The following SLC30A9 variants were observed in gnomAD, a reference collection of about 807,000 sequenced individuals.
The protein encoded by SLC30A9 is solute carrier family 30 member 9.
SLC30A9 carries 58 observed loss-of-function variants against 87.5 expected under a neutral mutation model. The ratio of observed to expected loss-of-function variants is 0.66; its 90% CI spans 0.54 to 0.82. The LOEUF (loss-of-function observed/expected upper bound fraction) is 0.82, where lower values mean the gene tolerates loss of function less well. Among genes scored for constraint, SLC30A9 ranks in the 40% least tolerant of loss-of-function variants. The probability of loss-of-function intolerance (pLI) is 0.00; values close to 1 mark genes in which losing one functional copy is unlikely to be tolerated. For missense variants in SLC30A9, 557 were observed against 679.1 expected, an observed-to-expected ratio of 0.82 and a Z score of 2.00; for synonymous variants, 234 against 233.0, an observed-to-expected ratio of 1.00 and a Z score of -0.04.
chr4:42,045,863 G>A (rs1577705905), intron 8 of SLC30A9, among the ~76,000 whole-genome samples: 1 of 152,182 alleles, frequency 6.6e-6, no homozygotes, highest in Non-Finnish European at 1.5e-5. Flanking sequence ...ATGTCAAAAA[G>A]CTTATCACCA....
intron 15 of SLC30A9, among the ~76,000 whole-genome samples, chr4:42,070,945 G>A (rs1167508584): frequency 6.6e-6 from 1 of 152,060 alleles, no homozygotes; most frequent in Non-Finnish European, 1.5e-5. Flanking sequence ...TAATGAGAAT[G>A]GAAGTTTGCA....
intron 16 of SLC30A9, among the ~76,000 whole-genome samples, chr4:42,076,438 A>G (rs1250006714): frequency 6.6e-6 from 1 of 152,164 alleles, no homozygotes; most frequent in Non-Finnish European, 1.5e-5. Flanking sequence ...TATACTTTTC[A>G]GCATTTTTTA....
chr4:42,049,281 C>A, intron 8 of SLC30A9, 96 bp from the exon 9 acceptor site: 1 of 632,350 alleles, frequency 1.6e-6, no homozygotes, highest in Non-Finnish European at 2.7e-6. Context: ...TTACTTTCAA[C>A]AGAATCTAGT....
rs1474237649 is a variant in SLC30A9, at chr4:42,088,472, A to T, written c.*2346A>T. 6.6e-6 allele frequency: 1 copy of T among 152,258 alleles called. No individual in the cohort carries two copies. Among genetic ancestry groups the T allele is most frequent in the South Asian group, 2.1e-4 (1 of 4,830 alleles). The allele number at this position is 152,258 out of a possible 1,614,324, so 9.4% of individuals were successfully genotyped here. A position where few individuals can be genotyped will look rare whatever the true frequency, so the allele number is the denominator to read the frequency against. The stretch of plus-strand genomic sequence containing the variant: ...AAATACCTGAGACTGAGTAATCAAA[A>T]AAAGAGCTTTAATTGGCTCATGGTT... On this transcript the variant is annotated 3_prime_UTR_variant, in exon 18 of 18. Transcript: ENST00000264451.
chr4:42,071,100 AT>A (rs1307098441), intron 15 of SLC30A9, among the ~76,000 whole-genome samples: 1 of 152,034 alleles, frequency 6.6e-6, no homozygotes, highest in Non-Finnish European at 1.5e-5. Context: ...TATAATTTAT[AT>A]TTACTTTGAA....
At chr4:42,023,461 A>G in intron 6 of SLC30A9, 77 bp downstream of exon 6, 2 of 923,098 alleles carry the variant, frequency 2.2e-6, no homozygotes, top group Admixed American at 1.9e-5. Flanking sequence ...AGAACTCTCT[A>G]GTGCTAGCAT....
chr4:42,018,523 T>C (rs1715812853), intron 3 of SLC30A9: 1 of 806,340 alleles, frequency 1.2e-6, no homozygotes, highest in Non-Finnish European at 1.6e-6. Context: ...TTGGCCGTTA[T>C]TGTCTGACTT....
At chr4:42,037,239 CTTTTTTTTTTTTTTTTTTT>C (rs536795831) in intron 7 of SLC30A9, among the ~76,000 whole-genome samples, 4 of 91,194 alleles carry the variant, frequency 4.4e-5, no homozygotes, top group Non-Finnish European at 8.3e-5. Context: ...TAAATGCCTT[CTTTTTTTTTTTTTTTTTTT>C]TTTTTTTTTT....
intron 8 of SLC30A9, among the ~76,000 whole-genome samples, chr4:42,045,526 T>C (rs28850296): frequency 0.65 from 98,836 of 151,144 alleles, 36,757 homozygotes; most frequent in East Asian, 0.96. Context: ...GAAGTTGAAT[T>C]CCTGAGTAGA....
At chr4:42,022,952 A>T in intron 5 of SLC30A9, 22 bp downstream of exon 5, 1 of 1,398,240 alleles carries the variant, frequency 7.2e-7, no homozygotes, top group Non-Finnish European at 9.8e-7. Context: ...GTTCTTTCAG[A>T]ATAAAAGTGC....
intron 6 of SLC30A9, among the ~76,000 whole-genome samples, chr4:42,024,070 A>G (rs998075573): frequency 1.3e-5 from 2 of 152,206 alleles, no homozygotes; most frequent in Non-Finnish European, 2.9e-5. Context: ...GCCAAATCAT[A>G]TCAATTACTT....
At chr4:42,054,567 T>C (rs1043214992) in intron 9 of SLC30A9, among the ~76,000 whole-genome samples, 3 of 151,220 alleles carry the variant, frequency 2.0e-5, no homozygotes, top group East Asian at 2.0e-4. Context: ...CTCAGCTCAC[T>C]GCAAGCTCCG....
At chr4:42,054,663 T>C (rs1434511325) in intron 9 of SLC30A9, among the ~76,000 whole-genome samples, 2 of 151,876 alleles carry the variant, frequency 1.3e-5, no homozygotes, top group African/African-American at 2.4e-5. Context: ...GCTAATTTTT[T>C]GTATTTTTAG....
intron 8 of SLC30A9, among the ~76,000 whole-genome samples, chr4:42,042,716 C>G (rs551334474): frequency 2.6e-5 from 4 of 152,168 alleles, no homozygotes; most frequent in Admixed American, 2.0e-4. Flanking sequence ...GCACAGCGCT[C>G]GAGGTCTGCT....
Position 42,039,916 on chromosome 4 carries a change from T to C in SLC30A9, c.737+863T>C, listed in dbSNP as rs375304848. ...TATATATATGTAAAATATGTATCAG[T>C]GTGATAGGATATGAAAATATAAAGA... On this transcript the variant is annotated intron_variant, in intron 8 of 17. Transcript: ENST00000264451. Among the ~76,000 whole-genome samples the C allele has an allele frequency of 7.6e-3, 958 of 125,686 alleles. 4 individuals are homozygous for C. Among genetic ancestry groups the C allele is most frequent in the African/African-American group, 0.013 (516 of 38,512 alleles). The allele number at this position is 125,686 out of a possible 152,430, so 82.5% of individuals were successfully genotyped here.
At chr4:42,032,217 C>A (rs1025847020) in intron 6 of SLC30A9, among the ~76,000 whole-genome samples, 3 of 151,906 alleles carry the variant, frequency 2.0e-5, no homozygotes, top group Admixed American at 6.6e-5. Context: ...GTTACCCCCC[C>A]ACCAGGCCCC....
intron 6 of SLC30A9, among the ~76,000 whole-genome samples, chr4:42,033,796 C>T (rs895074884): frequency 5.9e-5 from 9 of 152,144 alleles, no homozygotes; most frequent in South Asian, 2.1e-4. Context: ...AGGATGGTCT[C>T]GATGATCTGA....
At chr4:42,014,580 A>G (rs1715621521) in intron 2 of SLC30A9, among the ~76,000 whole-genome samples, 2 of 151,376 alleles carry the variant, frequency 1.3e-5, no homozygotes, top group Non-Finnish European at 2.9e-5. Flanking sequence ...GGAAATCGGT[A>G]TATCAGAAGA....
chr4:42,070,241 A>T, intron 14 of SLC30A9: 1 of 256,486 alleles, frequency 3.9e-6, no homozygotes, highest in African/African-American at 2.2e-5. Flanking sequence ...ATTTTTTTGT[A>T]TTGGTGTCTC....
Sources: gnomAD v4.1 joint callset for allele counts (sites outside exome capture counted in the v4.1 genomes callset) on GRCh38, gnomAD v4.1.1 for gene constraint, MANE v1.5 for transcripts, NCBI Gene and HGNC (gene_info 2026-07-23, HGNC 2026-07-21) for gene names.